MED16: variants seen among roughly 807,000 people sequenced by gnomAD.
MED16 encodes the protein mediator complex subunit 16, also known as mediator of RNA polymerase II transcription subunit 16.
In MED16, 81 loss-of-function variants were observed where a neutral mutation model predicts 84.4. That is an observed-to-expected ratio of 0.96 (90% CI 0.80 to 1.15). The LOEUF is 1.15. Among genes scored for constraint, MED16 ranks in the 50% most tolerant of loss-of-function variants. The pLI is 0.00. For missense variants in MED16, 1,585 were observed against 1,245.9 expected (o/e 1.27, Z -4.10); for synonymous variants, 897 against 552.2 (o/e 1.62, Z -8.76).
chr19:875,559 C>A, intron 9 of MED16, 105 bp from the exon 10 acceptor site: 1 of 900,978 alleles, frequency 1.1e-6, no homozygotes, highest in South Asian at 1.7e-5. Flanking sequence ...GGCGCTCGGT[C>A]AGCTGGGCAA....
At chr19:875,139 G>A (rs577417377) in intron 10 of MED16, 105 bp downstream of exon 10, 98 of 765,610 alleles carry the variant, frequency 1.3e-4, no homozygotes, top group Middle Eastern at 4.0e-4. Flanking sequence ...ACTCCAGCCT[G>A]GGCAACAGAG....
chr19:877,449 G>A (rs1425992091), intron 8 of MED16, among the ~76,000 whole-genome samples: 4 of 152,142 alleles, frequency 2.6e-5, no homozygotes, highest in Non-Finnish European at 4.4e-5. Context: ...TTTACCTGAG[G>A]AGTCTACCCC....
chr19:879,707 T>A (rs2036368639), intron 8 of MED16, among the ~76,000 whole-genome samples: 1 of 134,444 alleles, frequency 7.4e-6, no homozygotes, highest in Non-Finnish European at 1.5e-5. Flanking sequence ...CAGCTCGCCT[T>A]CCCCTGGTTG....
In MED16 at chr19:872,099, C is replaced by T. The variant is rs1402663720; in HGVS notation, c.1925G>A (p.Gly642Asp). 5 of 1,606,292 alleles carry T rather than the reference C, an allele frequency of 3.1e-6. No individual in the cohort carries two copies. Among genetic ancestry groups the T allele is most frequent in the Non-Finnish European group, 4.3e-6 (5 of 1,176,434 alleles). Residue 642 changes from glycine to aspartate, a missense_variant, in exon 12 of 16, where the codon GGC (glycine) becomes GAC (aspartate). By Grantham distance (94) the Gly-to-Asp change is moderately conservative. Transcript: ENST00000325464. ...LPNQGSLLRPGHSFLRDGTSL... is the reference protein window; with the variant it reads ...LPNQGSLLRPDHSFLRDGTSL... ...GGTGCCGTCCCGCAGAAAGCTGTGG[C>T]CCGGCCTCAGCAGGGAACCCTGCCC...
chr19:889,254 C>A (rs915722717), intron 4 of MED16, among the ~76,000 whole-genome samples: 17 of 152,060 alleles, frequency 1.1e-4, no homozygotes, highest in African/African-American at 4.1e-4. Context: ...GAGAGGGGCT[C>A]TGGGATGTTA....
intron 6 of MED16, among the ~76,000 whole-genome samples, chr19:883,537 C>T (rs1468208897): frequency 2.6e-5 from 4 of 152,026 alleles, no homozygotes; most frequent in Non-Finnish European, 4.4e-5. Flanking sequence ...GGGGACTGTC[C>T]CAGTGACCCC....
At chr19:880,250 A>G in intron 7 of MED16, 102 bp from the exon 8 acceptor site, 2 of 1,109,470 alleles carry the variant, frequency 1.8e-6, no homozygotes, top group Non-Finnish European at 2.4e-6. Flanking sequence ...GGGGCTGCCC[A>G]TCCAGGGGGT....
intron 8 of MED16, among the ~76,000 whole-genome samples, chr19:877,504 A>AT (rs1283344017): frequency 6.7e-6 from 1 of 148,896 alleles, no homozygotes; most frequent in Non-Finnish European, 1.5e-5. Flanking sequence ...GAAGCTCCTA[A>AT]TACGTGCTGT....
chr19:878,925 C>A (rs1298042365), intron 8 of MED16, among the ~76,000 whole-genome samples: 3 of 34,332 alleles, frequency 8.7e-5, no homozygotes, highest in Admixed American at 7.4e-4. Context: ...CAGCCCCGGC[C>A]CCGGCCCCGG....
intron 6 of MED16, among the ~76,000 whole-genome samples, chr19:883,224 A>AG (rs1568329967): frequency 2.4e-3 from 353 of 148,430 alleles, no homozygotes; most frequent in African/African-American, 8.6e-3. Flanking sequence ...GCATGGTAGG[A>AG]ACCGAAGCCT....
At chr19:888,757 G>A (rs566998237) in intron 4 of MED16, among the ~76,000 whole-genome samples, 14 of 152,292 alleles carry the variant, frequency 9.2e-5, no homozygotes, top group East Asian at 3.9e-4. Flanking sequence ...GCACGAAGCC[G>A]GTGCTGCGTG....
intron 11 of MED16, among the ~76,000 whole-genome samples, chr19:872,401 C>G (rs963672271): frequency 1.3e-5 from 2 of 152,036 alleles, no homozygotes; most frequent in East Asian, 3.9e-4. Flanking sequence ...TCCCCACCTG[C>G]ACGTGGAGGA....
intron 11 of MED16, 22 bp from the exon 12 acceptor site, chr19:872,140 G>A: frequency 1.3e-6 from 2 of 1,585,806 alleles, no homozygotes; most frequent in Non-Finnish European, 1.7e-6. Flanking sequence ...AGGCATCGGT[G>A]TGGCTGGGGC....
At chr19:886,555 T>C (rs1422669663) in intron 4 of MED16, among the ~76,000 whole-genome samples, 1 of 152,252 alleles carries the variant, frequency 6.6e-6, no homozygotes, top group Non-Finnish European at 1.5e-5. Flanking sequence ...GCTCTGGCTC[T>C]GCCGTGGCGG....
intron 11 of MED16, among the ~76,000 whole-genome samples, chr19:872,517 A>C (rs1424035048): frequency 6.6e-6 from 1 of 151,982 alleles, no homozygotes; most frequent in Non-Finnish European, 1.5e-5. Flanking sequence ...GGCAGCCTAA[A>C]GCCCCACAAA....
intron 13 of MED16, among the ~76,000 whole-genome samples, chr19:869,213 G>C (rs983928029): frequency 1.3e-5 from 2 of 152,160 alleles, no homozygotes; most frequent in Admixed American, 6.5e-5. Flanking sequence ...TAAAGGGGAC[G>C]GGGCCCACAC....
At chr19:889,371 C>A (rs2145255161) in intron 4 of MED16, among the ~76,000 whole-genome samples, 1 of 152,254 alleles carries the variant, frequency 6.6e-6, no homozygotes, top group Non-Finnish European at 1.5e-5. Flanking sequence ...CTAAGAACGG[C>A]CACCCTCAGT....
chr19:871,499 G>T, intron 12 of MED16: 1 of 1,508,718 alleles, frequency 6.6e-7, no homozygotes, highest in Non-Finnish European at 8.9e-7. Flanking sequence ...CACTTAAAAA[G>T]TATGTGGGAA....
At chr19:888,893 G>A (rs2145253655) in intron 4 of MED16, among the ~76,000 whole-genome samples, 1 of 152,290 alleles carries the variant, frequency 6.6e-6, no homozygotes, top group South Asian at 2.1e-4. Flanking sequence ...CCCAGCACAA[G>A]CAGACGCACA....
Sources: allele counts gnomAD v4.1 joint callset (sites outside exome capture counted in the v4.1 genomes callset), GRCh38; gene constraint gnomAD v4.1.1; transcripts MANE v1.5; gene names NCBI Gene and HGNC (gene_info 2026-07-23, HGNC 2026-07-21).